DDX10: variants seen among roughly 807,000 people sequenced by gnomAD.
DDX10 encodes probable ATP-dependent RNA helicase DDX10.
Under a neutral mutation model 104.3 loss-of-function variants are expected in DDX10, and 74 were observed. The observed-to-expected ratio is 0.71, with a 90% CI of 0.59 to 0.86. The LOEUF is 0.86. Among genes scored for constraint, DDX10 ranks in the 40% least tolerant of loss-of-function variants. The pLI, the probability that DDX10 is intolerant of heterozygous loss-of-function variation, is 0.00. For missense variants in DDX10, 952 were observed against 1,040.0 expected, an observed-to-expected ratio of 0.92 and a Z score of 1.16; for synonymous variants, 351 against 353.4, an observed-to-expected ratio of 0.99 and a Z score of 0.08.
At chr11:108,902,819 A>C (rs1252640962) in intron 16 of DDX10, among the ~76,000 whole-genome samples, 1 of 152,164 alleles carries the variant, frequency 6.6e-6, no homozygotes, top group Non-Finnish European at 1.5e-5. Flanking sequence ...GAAATTAAAG[A>C]GAATTTTTAC....
intron 17 of DDX10, among the ~76,000 whole-genome samples, chr11:108,935,375 A>C (rs988189062): frequency 6.6e-6 from 1 of 152,200 alleles, no homozygotes; most frequent in Non-Finnish European, 1.5e-5. Flanking sequence ...AGGCAGGCTT[A>C]TACCAGATCA....
chr11:108,854,805 T>TTAATGA (rs773603136), intron 16 of DDX10, among the ~76,000 whole-genome samples: 1 of 152,172 alleles, frequency 6.6e-6, no homozygotes, highest in Non-Finnish European at 1.5e-5. Context: ...AAGAGAAAAC[T>TTAATGA]TAATGATAAT....
At chr11:108,873,648 T>C (rs906878634) in intron 16 of DDX10, among the ~76,000 whole-genome samples, 9 of 152,198 alleles carry the variant, frequency 5.9e-5, no homozygotes, top group Non-Finnish European at 1.2e-4. Flanking sequence ...CTCAAATTTC[T>C]TTCATAAAAC....
At chr11:108,869,613 G>A (rs560187378) in intron 16 of DDX10, among the ~76,000 whole-genome samples, 1 of 152,160 alleles carries the variant, frequency 6.6e-6, no homozygotes, top group African/African-American at 2.4e-5. Flanking sequence ...TGAGCAGACT[G>A]TGGATTATTC....
At position 108,847,213 on chromosome 11, in the gene DDX10, CA is replaced by C. The variant is rs372863600; in HGVS notation, c.2248-4939del. 2.5e-3 allele frequency among the ~76,000 whole-genome samples: 376 copies of C among 152,324 alleles called. 1 individual carries two copies. Among genetic ancestry groups the C allele is most frequent in the African/African-American group, 8.6e-3 (359 of 41,578 alleles). ...CTGTAAAGACAAAATGCCACTCTTA[CA>C]TACAAGCAATGTGTTTTCTAATAAT... On this transcript the variant is annotated intron_variant, in intron 15 of 17. Coordinates refer to ENST00000322536, the MANE Select transcript of DDX10 (RefSeq NM_004398.4).
In DDX10 at chr11:108,723,402, C is replaced by G; in HGVS notation, c.1905C>G (p.Phe635Leu). The G allele has an allele frequency of 6.2e-7, 1 of 1,613,898 alleles. No individual in the cohort carries two copies. Among genetic ancestry groups the G allele is most frequent in the Non-Finnish European group, 8.5e-7 (1 of 1,179,874 alleles). The part of the protein sequence containing the change: ...DRDEEEEDAD[F>L]LKVKRHNVFG... ...ATGAGGAGGAAGAAGATGCTGATTT[C>G]TTGAAGGTGAAGCGGCATAATGTGT... Residue 635 changes from phenylalanine (F) to leucine (L), a missense_variant, in exon 13 of 18, where the codon TTC becomes TTG. Phe to Leu is a conservative substitution (Grantham distance 22, BLOSUM62 0). Transcript: ENST00000322536.
chr11:108,813,167 C>A (rs1313242154), intron 13 of DDX10, among the ~76,000 whole-genome samples: 4 of 151,898 alleles, frequency 2.6e-5, no homozygotes, highest in Admixed American at 2.6e-4. Flanking sequence ...AGAATAAATT[C>A]CTAGAAGTGA....
chr11:108,910,393 G>T (rs1180414751), intron 16 of DDX10, among the ~76,000 whole-genome samples: 2 of 152,202 alleles, frequency 1.3e-5, no homozygotes, highest in African/African-American at 2.4e-5. Flanking sequence ...AGGCTTTGAA[G>T]ATCAAGTAAG....
intron 17 of DDX10, among the ~76,000 whole-genome samples, chr11:108,931,097 ATGATAGCACCC>A (rs1863970760): frequency 6.6e-6 from 1 of 152,142 alleles, no homozygotes; most frequent in Admixed American, 6.6e-5. Flanking sequence ...CTCATGAGCC[ATGATAGCACCC>A]TGTACTCCAG....
At chr11:108,841,045 G>T (rs1251234375) in intron 14 of DDX10, among the ~76,000 whole-genome samples, 1 of 152,196 alleles carries the variant, frequency 6.6e-6, no homozygotes, top group East Asian at 1.9e-4. Flanking sequence ...AGATGCTGGA[G>T]CATCTCTATT....
intron 17 of DDX10, among the ~76,000 whole-genome samples, chr11:108,931,971 C>A (rs979582440): frequency 6.6e-6 from 1 of 151,912 alleles, no homozygotes; most frequent in Non-Finnish European, 1.5e-5. Context: ...CTACTAGAAT[C>A]AGGGGTCTGG....
chr11:108,837,847 T>C (rs963897408), intron 13 of DDX10, among the ~76,000 whole-genome samples: 2 of 152,152 alleles, frequency 1.3e-5, no homozygotes, highest in African/African-American at 4.8e-5. Context: ...GGTCTCGAAC[T>C]CATGACCTCA....
intron 13 of DDX10, among the ~76,000 whole-genome samples, chr11:108,814,499 C>T (rs746812199): frequency 1.3e-5 from 2 of 152,108 alleles, no homozygotes; most frequent in Non-Finnish European, 2.9e-5. Flanking sequence ...CAAGCCATCA[C>T]ACCACTATCT....
chr11:108,785,906 G>C (rs1361866085), intron 13 of DDX10, among the ~76,000 whole-genome samples: 1 of 151,798 alleles, frequency 6.6e-6, no homozygotes, highest in Non-Finnish European at 1.5e-5. Context: ...TTTTTGTTTT[G>C]TTTTGTTTTT....
chr11:108,807,505 G>T (rs1862117009), intron 13 of DDX10, among the ~76,000 whole-genome samples: 1 of 152,180 alleles, frequency 6.6e-6, no homozygotes, highest in Admixed American at 6.5e-5. Flanking sequence ...GGGAAGTTTT[G>T]AGAGATAAGA....
chr11:108,813,785 A>G (rs1422425202), intron 13 of DDX10, among the ~76,000 whole-genome samples: 1 of 152,082 alleles, frequency 6.6e-6, no homozygotes. Context: ...TTTGTTCTAT[A>G]TAACTACCCA....
At chr11:108,834,265 A>G (rs538936925) in intron 13 of DDX10, among the ~76,000 whole-genome samples, 9 of 148,124 alleles carry the variant, frequency 6.1e-5, no homozygotes, top group Admixed American at 3.4e-4. Context: ...CCTACCTACC[A>G]TATTTTCTTT....
intron 15 of DDX10, 141 bp downstream of exon 15, chr11:108,841,617 T>A: frequency 3.7e-6 from 3 of 816,506 alleles, no homozygotes; most frequent in Middle Eastern, 3.6e-4. Flanking sequence ...GCTACTCTTT[T>A]TTCTGTTTAT....
rs372580031 is a variant in DDX10 at position 108,921,146 on chromosome 11, C to T, written c.2450+3128C>T. ...TTTGGAGTAAATTATAAGTAGTAGC[C>T]TACATCTGTAATTTCTATTTATACT... On this transcript the variant is annotated intron_variant, in intron 17 of 17. Transcript: ENST00000322536. The T allele has an allele frequency of 8.5e-5, 13 of 152,334 alleles. No individual in the cohort carries two copies. In the East Asian group the frequency reaches 2.5e-3, roughly 29 times the overall value. 9.4% of individuals were successfully genotyped at this position (152,334 alleles called of 1,614,324 possible).
Sources: allele counts gnomAD v4.1 joint callset (sites outside exome capture counted in the v4.1 genomes callset), GRCh38; gene constraint gnomAD v4.1.1; transcripts MANE v1.5; gene names NCBI Gene and HGNC (gene_info 2026-07-23, HGNC 2026-07-21).